ADARB2: variants seen among roughly 807,000 people sequenced by gnomAD.
The protein encoded by ADARB2 is inactive double-stranded RNA-specific editase B2.
Under a neutral mutation model 62.2 loss-of-function variants are expected in ADARB2, and 25 were observed. The observed-to-expected ratio is 0.40, with a 90% CI of 0.29 to 0.56. The LOEUF (loss-of-function observed/expected upper bound fraction) is 0.56, where lower values mean the gene tolerates loss of function less well. Among genes scored for constraint, ADARB2 ranks in the 20% least tolerant of loss-of-function variants. The probability of loss-of-function intolerance (pLI) is 0.43; values close to 1 mark genes in which losing one functional copy is unlikely to be tolerated. For missense variants in ADARB2, 1,071 were observed against 1,077.4 expected (o/e 0.99, Z 0.08); for synonymous variants, 572 against 500.8 (o/e 1.14, Z -1.90).
At chr10:1,403,155 C>T (rs937689627) in intron 1 of ADARB2, among the ~76,000 whole-genome samples, 6 of 152,332 alleles carry the variant, frequency 3.9e-5, no homozygotes, top group East Asian at 1.9e-4. Flanking sequence ...TGACCCCAGC[C>T]GCTGCTCAAC....
In ADARB2 at chr10:1,731,439, T is replaced by C. The variant is rs991814181; in HGVS notation, c.100+5612A>G. Among the ~76,000 whole-genome samples, 3 of 152,332 alleles carry C rather than the reference T, an allele frequency of 2.0e-5. No homozygotes were observed. In the South Asian group the frequency reaches 6.2e-4, roughly 32 times the overall value. On this transcript the variant is annotated intron_variant, in intron 1 of 9. Transcript: ENST00000381312. ...TCCAAGGTCCTAAATTTCTCAATGT[T>C]CCCTTCCCTTCCTGTTTTCTAAAGT...
chr10:1,557,498 A>G (rs1217342793), intron 1 of ADARB2, among the ~76,000 whole-genome samples: 3 of 152,104 alleles, frequency 2.0e-5, no homozygotes, highest in African/African-American at 7.2e-5. Context: ...TGGTTAATTT[A>G]TAATTCTGTT....
chr10:1,299,076 G>T (rs936200166), intron 3 of ADARB2, among the ~76,000 whole-genome samples: 12 of 151,844 alleles, frequency 7.9e-5, no homozygotes, highest in East Asian at 1.9e-4. Context: ...GTTGGATAAT[G>T]ATTCTCCCTT....
chr10:1,595,150 G>C (rs2676186), intron 1 of ADARB2, among the ~76,000 whole-genome samples: 3 of 152,164 alleles, frequency 2.0e-5, no homozygotes, highest in African/African-American at 7.2e-5. Context: ...CATAGCCGAG[G>C]TTCCTCCGCA....
At chr10:1,270,471 A>G (rs1831250374) in intron 4 of ADARB2, among the ~76,000 whole-genome samples, 1 of 152,120 alleles carries the variant, frequency 6.6e-6, no homozygotes, top group Non-Finnish European at 1.5e-5. Context: ...GGGCCGATTG[A>G]TCAAATTTAG....
chr10:1,279,604 C>A (rs1831352648), intron 3 of ADARB2, among the ~76,000 whole-genome samples: 1 of 152,222 alleles, frequency 6.6e-6, no homozygotes, highest in Non-Finnish European at 1.5e-5. Flanking sequence ...GTGTGAGTCA[C>A]CGTTCCTGGC....
intron 8 of ADARB2, among the ~76,000 whole-genome samples, chr10:1,189,837 G>A (rs1290527394): frequency 9.6e-5 from 8 of 83,632 alleles, no homozygotes; most frequent in Non-Finnish European, 2.2e-5. Context: ...AACACGTGGC[G>A]CTACCTCCTT....
intron 1 of ADARB2, among the ~76,000 whole-genome samples, chr10:1,705,247 T>A (rs1834873862): frequency 6.6e-6 from 1 of 152,224 alleles, no homozygotes; most frequent in South Asian, 2.1e-4. Context: ...CGGCTGTGCT[T>A]GGCAGGGTTG....
intron 1 of ADARB2, among the ~76,000 whole-genome samples, chr10:1,417,458 C>G (rs1453098617): frequency 1.3e-5 from 2 of 152,204 alleles, no homozygotes; most frequent in African/African-American, 4.8e-5. Context: ...CATTAATTAT[C>G]TTACTGACTC....
At chr10:1,328,578 C>G (rs1028827296) in intron 3 of ADARB2, among the ~76,000 whole-genome samples, 1 of 152,054 alleles carries the variant, frequency 6.6e-6, no homozygotes, top group African/African-American at 2.4e-5. Context: ...TGCAGACATT[C>G]CTGGAGCGGG....
chr10:1,600,349 T>A (rs928823415), intron 1 of ADARB2, among the ~76,000 whole-genome samples: 1 of 151,838 alleles, frequency 6.6e-6, no homozygotes, highest in African/African-American at 2.4e-5. Context: ...TAACACCTGA[T>A]AGAGGATGGA....
chr10:1,392,787 C>T (rs185893921), intron 1 of ADARB2, among the ~76,000 whole-genome samples: 1 of 152,114 alleles, frequency 6.6e-6, no homozygotes, highest in Non-Finnish European at 1.5e-5. Context: ...AGGTTTGGTC[C>T]TGAAAGCGTC....
intron 1 of ADARB2, among the ~76,000 whole-genome samples, chr10:1,673,314 ATGTGTG>A (rs66687699): frequency 0.033 from 4,919 of 149,684 alleles, 100 homozygotes; most frequent in Middle Eastern, 0.045. Context: ...ATTTCATTTT[ATGTGTG>A]TGTGTGTGTG....
At chr10:1,246,202 A>G (rs1415549456) in intron 4 of ADARB2, among the ~76,000 whole-genome samples, 1 of 151,582 alleles carries the variant, frequency 6.6e-6, no homozygotes, top group African/African-American at 2.4e-5. Flanking sequence ...TTTTCTTGTA[A>G]ATTTGTTTGA....
Position 1,568,536 on chromosome 10 carries a change from GAAGAAAGAAAAGA to G in ADARB2, c.100+168502_100+168514del, listed in dbSNP as rs1252620065. ...TTTAAAAAATACCAAAAAGATGAAAGAAGAAAGAAAAGAAAGAAAGAAAAGAAGGAAGGAAGAA... is the reference window on the plus strand; with the variant it reads ...TTTAAAAAATACCAAAAAGATGAAAGAAGAAAGAAAAGAAGGAAGGAAGAA... On this transcript the variant is annotated intron_variant, in intron 1 of 9. Transcript: ENST00000381312. 7.3e-5 allele frequency among the ~76,000 whole-genome samples: 11 copies of G among 149,900 alleles called. No individual in the cohort carries two copies. The South Asian group carries it at 1.7e-3, about 23-fold the overall frequency.
At chr10:1,639,470 C>T (rs1833952648) in intron 1 of ADARB2, among the ~76,000 whole-genome samples, 1 of 152,188 alleles carries the variant, frequency 6.6e-6, no homozygotes, top group African/African-American at 2.4e-5. Flanking sequence ...AGTACCAGAC[C>T]ATTCACGAGC....
chr10:1,371,784 T>TAAAAAAAAA (rs71379114), intron 2 of ADARB2, among the ~76,000 whole-genome samples: 15 of 125,814 alleles, frequency 1.2e-4, no homozygotes, highest in Non-Finnish European at 1.3e-4. Context: ...TATTAAAAAG[T>TAAAAAAAAA]AAAAAAAAAA....
At chr10:1,649,062 G>A (rs753740103) in intron 1 of ADARB2, among the ~76,000 whole-genome samples, 2 of 152,212 alleles carry the variant, frequency 1.3e-5, no homozygotes, top group African/African-American at 2.4e-5. Flanking sequence ...TGGATGCTCC[G>A]GTGAAGCTCA....
intron 1 of ADARB2, among the ~76,000 whole-genome samples, chr10:1,464,625 GT>G (rs1831226833): frequency 1.3e-5 from 1 of 78,996 alleles, no homozygotes; most frequent in African/African-American, 4.3e-5. Flanking sequence ...GCTGGGGGCA[GT>G]CACAGCGGGC....
Sources: allele counts gnomAD v4.1 joint callset (sites outside exome capture counted in the v4.1 genomes callset), GRCh38; gene constraint gnomAD v4.1.1; transcripts MANE v1.5; gene names NCBI Gene and HGNC (gene_info 2026-07-23, HGNC 2026-07-21).